Variants in NSUN7 observed in about 807,000 individuals in gnomAD.
NSUN7 encodes the protein protein NSUN7.
Under a neutral mutation model 58.5 loss-of-function variants are expected in NSUN7, and 39 were observed. The observed-to-expected ratio is 0.67, with a 90% CI of 0.52 to 0.87. NSUN7 has a LOEUF of 0.87. Ranked by LOEUF, NSUN7 falls within the 40% of genes least tolerant of loss-of-function variation. The pLI is 0.00. For missense variants in NSUN7, 765 were observed against 844.1 expected, an observed-to-expected ratio of 0.91 and a Z score of 1.16; for synonymous variants, 278 against 303.7, an observed-to-expected ratio of 0.92 and a Z score of 0.88.
At chr4:40,771,046 C>T (rs2465559) in intron 4 of NSUN7, among the ~76,000 whole-genome samples, 118,494 of 152,086 alleles carry the variant, frequency 0.78, 46,399 homozygotes, top group Admixed American at 0.83. Flanking sequence ...CAAGACTCTG[C>T]CTCAAAAAAT....
chr4:40,753,457 G>C (rs1578136789), intron 2 of NSUN7, among the ~76,000 whole-genome samples: 2 of 152,050 alleles, frequency 1.3e-5, no homozygotes, highest in African/African-American at 4.8e-5. Context: ...ATTTTTAGTA[G>C]AGATGGGGCT....
chr4:40,794,111 A>G (rs1743217801), intron 8 of NSUN7, among the ~76,000 whole-genome samples: 1 of 152,188 alleles, frequency 6.6e-6, no homozygotes, highest in Non-Finnish European at 1.5e-5. Context: ...GACTACTTGG[A>G]TGACTATCTC....
intron 2 of NSUN7, among the ~76,000 whole-genome samples, chr4:40,758,684 T>A (rs571240702): frequency 3.3e-5 from 5 of 151,002 alleles, no homozygotes; most frequent in African/African-American, 1.2e-4. Flanking sequence ...GATAATATTT[T>A]AAAAAACAAA....
rs1560544875 is a variant in NSUN7, at chr4:40,757,588, C to CACATTGTGTGTATATATAT, written c.299-2825_299-2807dup. 4.9e-5 allele frequency among the ~76,000 whole-genome samples: 7 copies of CACATTGTGTGTATATATAT among 141,460 alleles called. No individual in the cohort carries two copies. The East Asian group carries it at 1.2e-3, about 25-fold the overall frequency. 92.8% of individuals were successfully genotyped at this position (141,460 alleles called of 152,430 possible). A position where few individuals can be genotyped will look rare whatever the true frequency, so the allele number is the denominator to read the frequency against. ...TATATATAAATTGCATATATATATA[C>CACATTGTGTGTATATATAT]ACATTGTGTGTATATATATACATTG... On this transcript the variant is annotated intron_variant, in intron 2 of 11. Coordinates refer to ENST00000381782, the MANE Select transcript of NSUN7 (RefSeq NM_024677.6).
At chr4:40,757,668 T>C (rs79230904) in intron 2 of NSUN7, among the ~76,000 whole-genome samples, 3,944 of 145,192 alleles carry the variant, frequency 0.027, 90 homozygotes, top group African/African-American at 0.061. Flanking sequence ...TATATATACA[T>C]TGTGTGTATA....
intron 7 of NSUN7, among the ~76,000 whole-genome samples, chr4:40,778,575 C>T (rs1271401566): frequency 1.3e-5 from 2 of 152,316 alleles, no homozygotes; most frequent in East Asian, 3.9e-4. Flanking sequence ...TGTAAGAAAG[C>T]AGGCCCACAC....
intron 7 of NSUN7, among the ~76,000 whole-genome samples, chr4:40,778,469 G>GC (rs1742373510): frequency 6.6e-6 from 1 of 152,320 alleles, no homozygotes; most frequent in African/African-American, 2.4e-5. Flanking sequence ...TGAGGGCAGA[G>GC]CCCTCATGAA....
At chr4:40,754,450 C>T (rs1411743105) in intron 2 of NSUN7, among the ~76,000 whole-genome samples, 1 of 152,148 alleles carries the variant, frequency 6.6e-6, no homozygotes, top group Non-Finnish European at 1.5e-5. Flanking sequence ...AACAAGCCAT[C>T]TGCTATTTTA....
At chr4:40,797,901 G>A (rs773293904) in intron 9 of NSUN7, among the ~76,000 whole-genome samples, 7 of 152,026 alleles carry the variant, frequency 4.6e-5, no homozygotes, top group African/African-American at 1.5e-4. Flanking sequence ...TGATCAAACC[G>A]GCCCCTTCAC....
chr4:40,789,294 A>G (rs1279059425), intron 7 of NSUN7, among the ~76,000 whole-genome samples: 1 of 152,262 alleles, frequency 6.6e-6, no homozygotes, highest in African/African-American at 2.4e-5. Context: ...AGTTTCATTA[A>G]GAAATAAATG....
At chr4:40,779,378 C>T (rs188834168) in intron 7 of NSUN7, among the ~76,000 whole-genome samples, 96 of 152,184 alleles carry the variant, frequency 6.3e-4, no homozygotes, top group East Asian at 7.7e-4. Context: ...CCGAGGCTGG[C>T]GGATCACAAG....
At chr4:40,806,752 G>T (rs1478373681) in intron 10 of NSUN7, among the ~76,000 whole-genome samples, 1 of 152,170 alleles carries the variant, frequency 6.6e-6, no homozygotes, top group South Asian at 2.1e-4. Context: ...ATAATGGAAA[G>T]CTTTTACTGC....
At chr4:40,805,862 G>A (rs1743789280) in intron 10 of NSUN7, among the ~76,000 whole-genome samples, 1 of 151,862 alleles carries the variant, frequency 6.6e-6, no homozygotes, top group Non-Finnish European at 1.5e-5. Flanking sequence ...TTATTATTGA[G>A]ATGGAGTCTT....
intron 7 of NSUN7, chr4:40,786,058 C>A: frequency 1.3e-6 from 2 of 1,528,256 alleles, no homozygotes; most frequent in East Asian, 4.5e-5. Flanking sequence ...AGGAGAAGTT[C>A]TAAAGCAAGA....
At chr4:40,761,325 G>A (rs753688038) in intron 4 of NSUN7, 24 bp downstream of exon 4, 2 of 1,584,572 alleles carry the variant, frequency 1.3e-6, no homozygotes, top group South Asian at 1.1e-5. Context: ...TGAAAAGAAT[G>A]TTTTATATGA....
rs1004468404 is a variant in NSUN7 at position 40,760,305 on chromosome 4, C to A, written c.299-129C>A. ...ATGTCACTGTAATTTAAGTCATTAT[C>A]CAGAATTGAGGTATATTTTAGATAT... is the stretch of plus-strand genomic sequence containing the variant. On this transcript the variant is annotated intron_variant, in intron 2 of 11. Transcript: ENST00000381782. The A allele has an allele frequency of 1.0e-5, 7 of 689,268 alleles. No homozygotes were observed. In the East Asian group the frequency reaches 1.4e-4, roughly 14 times the overall value. The allele number at this position is 689,268 out of a possible 1,614,324, so 42.7% of individuals were successfully genotyped here.
At chr4:40,755,637 T>C (rs1411100067) in intron 2 of NSUN7, among the ~76,000 whole-genome samples, 4 of 152,166 alleles carry the variant, frequency 2.6e-5, no homozygotes, top group Non-Finnish European at 2.9e-5. Context: ...GCTTAACATA[T>C]GGTTTGGTTA....
chr4:40,792,723 G>A (rs576065053), intron 8 of NSUN7, among the ~76,000 whole-genome samples: 104 of 151,690 alleles, frequency 6.9e-4, no homozygotes, highest in Admixed American at 6.8e-3. Flanking sequence ...CTGCACTCCA[G>A]CCTGGGCGAC....
In NSUN7 at chr4:40,798,926, C is replaced by T. The variant is rs371501652; in HGVS notation, c.1400+22C>T. On this transcript the variant is annotated intron_variant, in intron 10 of 11. Transcript: ENST00000381782. The stretch of plus-strand genomic sequence containing the variant: ...ACAGGTAAGAAAAGGAAGGATTCTT[C>T]TAAACAACTCAAACAAATATTTTTT... 16 of 1,183,442 alleles carry T rather than the reference C, an allele frequency of 1.4e-5. No individual in the cohort carries two copies. In the African/African-American group the frequency reaches 1.7e-4, roughly 12 times the overall value. The allele number at this position is 1,183,442 out of a possible 1,614,324, so 73.3% of individuals were successfully genotyped here. A position where few individuals can be genotyped will look rare whatever the true frequency, so the allele number is the denominator to read the frequency against.
Sources: gnomAD v4.1 joint callset for allele counts (sites outside exome capture counted in the v4.1 genomes callset) on GRCh38, gnomAD v4.1.1 for gene constraint, MANE v1.5 for transcripts, NCBI Gene and HGNC (gene_info 2026-07-23, HGNC 2026-07-21) for gene names.